The following AKR1B10 variants were observed in gnomAD, a reference collection of about 807,000 sequenced individuals.
AKR1B10 encodes the protein ARP.
In AKR1B10, 39 loss-of-function variants were observed where a neutral mutation model predicts 38.9. The ratio of observed to expected loss-of-function variants is 1.00; its 90% CI spans 0.78 to 1.31. The LOEUF (loss-of-function observed/expected upper bound fraction) is 1.31, where lower values mean the gene tolerates loss of function less well. Among genes scored for constraint, AKR1B10 ranks in the 50% most tolerant of loss-of-function variants. The pLI, the probability that AKR1B10 is intolerant of heterozygous loss-of-function variation, is 0.00. For missense variants in AKR1B10, 361 were observed against 382.6 expected, an observed-to-expected ratio of 0.94 and a Z score of 0.47; for synonymous variants, 148 against 141.2, an observed-to-expected ratio of 1.05 and a Z score of -0.34.
intron 1 of AKR1B10, 136 bp from the exon 2 acceptor site, chr7:134,530,507 A>G (rs1722886): frequency 1.2e-6 from 1 of 867,196 alleles, no homozygotes; most frequent in Non-Finnish European, 1.8e-6. Context: ...GGTTGCTGAG[A>G]GTGGTGTAAT....
Position 134,538,199 on chromosome 7 carries a change from G to C in AKR1B10, c.747G>C (p.Leu249=). The part of the protein sequence containing the change: ...AKHKKTAAQV[L]IRFHIQRNVI... The stretch of plus-strand genomic sequence containing the variant: ...GATGTCCCCTTTCCGCATAGGTTCT[G>C]ATCCGTTTCCATATCCAGAGGAATG... Residue 249 remains leucine, a synonymous_variant, in exon 8 of 10, where the codon CTG becomes CTC. Coordinates refer to ENST00000359579, the MANE Select transcript of AKR1B10 (RefSeq NM_020299.5). The C allele has an allele frequency of 1.9e-6, 3 of 1,614,080 alleles. No homozygotes were observed. Among genetic ancestry groups the C allele is most frequent in the Non-Finnish European group, 2.5e-6 (3 of 1,179,952 alleles).
intron 4 of AKR1B10, 88 bp from the exon 5 acceptor site, chr7:134,536,562 G>A: frequency 6.5e-7 from 1 of 1,536,996 alleles, no homozygotes; most frequent in Non-Finnish European, 8.7e-7. Flanking sequence ...GGATCCTTTA[G>A]CAATTTCTGC....
rs144002917 is a variant in AKR1B10, at chr7:134,530,698, G to A, written c.122G>A (p.Arg41Gln). 176 of 1,614,004 alleles carry A rather than the reference G, an allele frequency of 1.1e-4. 4 individuals are homozygous for A. In the African/African-American group the frequency reaches 1.9e-3, roughly 17 times the overall value. ...AAGGTGGCCATTGATGCAGGATATC[G>A]GCACATTGACTGTGCCTATGTCTAT... ...AVKVAIDAGY[R>Q]HIDCAYVYQN... The change falls in exon 2 of 10, where the codon CGG becomes CAG. Residue 41 changes from arginine (R) to glutamine (Q), a missense_variant. Coordinates refer to ENST00000359579, the MANE Select transcript of AKR1B10 (RefSeq NM_020299.5).
At chr7:134,530,427 C>A (rs1663528837) in intron 1 of AKR1B10, among the ~76,000 whole-genome samples, 1 of 152,144 alleles carries the variant, frequency 6.6e-6, no homozygotes, top group African/African-American at 2.4e-5. Flanking sequence ...CCCAGTGAGG[C>A]CTTGGTTTGG....
intron 1 of AKR1B10, among the ~76,000 whole-genome samples, chr7:134,529,132 T>C (rs1375748862): frequency 6.6e-6 from 1 of 152,184 alleles, no homozygotes; most frequent in Admixed American, 6.5e-5. Context: ...TCATGGCTAA[T>C]GTCCCTGCTG....
At chr7:134,531,442 C>A (rs532848192) in intron 2 of AKR1B10, among the ~76,000 whole-genome samples, 1 of 152,112 alleles carries the variant, frequency 6.6e-6, no homozygotes, top group Non-Finnish European at 1.5e-5. Flanking sequence ...TGTGTAGCAG[C>A]CAAGTCTGGA....
At chr7:134,538,822 G>T in intron 8 of AKR1B10, 113 bp from the exon 9 acceptor site, 1 of 1,238,316 alleles carries the variant, frequency 8.1e-7, no homozygotes, top group Non-Finnish European at 1.2e-6. Context: ...AAAAACTCCT[G>T]TGGCCAGTTT....
Position 134,527,720 on chromosome 7 carries a change from C to T in AKR1B10, c.-192C>T, listed in dbSNP as rs538280535. 573 of 528,290 alleles carry T rather than the reference C, an allele frequency of 1.1e-3. 7 individuals carry two copies. The Middle Eastern group carries it at 0.015, about 14-fold the overall frequency. The allele number at this position is 528,290 out of a possible 1,614,324, so 32.7% of individuals were successfully genotyped here. A position where few individuals can be genotyped will look rare whatever the true frequency, so the allele number is the denominator to read the frequency against. ...AATTAGCTGGGAGTCACGGTGGGCG[C>T]CTGTAATCCCAGCTACTCGGGAGGC... On this transcript the variant is annotated 5_prime_UTR_variant, in exon 1 of 10. Transcript: ENST00000359579.
intron 8 of AKR1B10, 106 bp downstream of exon 8, chr7:134,538,383 C>G: frequency 9.2e-7 from 1 of 1,091,664 alleles, no homozygotes; most frequent in Non-Finnish European, 1.4e-6. Flanking sequence ...TTTGCCCCCT[C>G]CCTTCCCACC....
chr7:134,527,826 A>G lies in AKR1B10; in HGVS notation c.-86A>G. ...GCACCACTGCACTCTAGCCTTGGCA[A>G]CAGTGCAAGACTGTCTCAAAAACAG... On this transcript the variant is annotated 5_prime_UTR_variant, in exon 1 of 10. Coordinates refer to ENST00000359579, the MANE Select transcript of AKR1B10 (RefSeq NM_020299.5). The G allele has an allele frequency of 6.3e-7, 1 of 1,592,046 alleles. No individual in the cohort carries two copies. The highest frequency in any genetic ancestry group is 8.6e-7 in the Non-Finnish European group (1 of 1,164,758).
chr7:134,536,803 C>G (rs570681269), intron 5 of AKR1B10, 31 bp downstream of exon 5: 54 of 1,612,820 alleles, frequency 3.3e-5, no homozygotes, highest in Admixed American at 1.5e-4. Flanking sequence ...GGGTAAGGGT[C>G]CTGCCCTATT....
At chr7:134,528,200 T>TA (rs1807744467) in intron 1 of AKR1B10, among the ~76,000 whole-genome samples, 1 of 152,166 alleles carries the variant, frequency 6.6e-6, no homozygotes, top group Non-Finnish European at 1.5e-5. Flanking sequence ...CTCTAGCAAG[T>TA]ATCAAATTTC....
intron 2 of AKR1B10, among the ~76,000 whole-genome samples, 177 bp from the exon 3 acceptor site, chr7:134,531,731 T>C (rs1325015257): frequency 6.6e-6 from 1 of 152,166 alleles, no homozygotes; most frequent in Admixed American, 6.6e-5. Context: ...TTAAGACATG[T>C]CATTGAGGTG....
At chr7:134,529,555 G>A (rs1425247388) in intron 1 of AKR1B10, among the ~76,000 whole-genome samples, 1 of 152,140 alleles carries the variant, frequency 6.6e-6, no homozygotes, top group Admixed American at 6.5e-5. Context: ...GCGGTTGGGG[G>A]CACAGGGCTG....
chr7:134,537,749 T>C, intron 7 of AKR1B10, 88 bp downstream of exon 7: 1 of 1,500,786 alleles, frequency 6.7e-7, no homozygotes, highest in Non-Finnish European at 9.2e-7. Context: ...ACAAACTCCT[T>C]AAAGGGGAAG....
chr7:134,527,729 C>T lies in AKR1B10; in HGVS notation c.-183C>T. 26 of 498,186 alleles carry T rather than the reference C, an allele frequency of 5.2e-5. No individual in the cohort carries two copies. The highest frequency in any genetic ancestry group is 6.0e-4 in the Middle Eastern group (1 of 1,672). The allele number at this position is 498,186 out of a possible 1,614,324, so 30.9% of individuals were successfully genotyped here. A position where few individuals can be genotyped will look rare whatever the true frequency, so the allele number is the denominator to read the frequency against. On this transcript the variant is annotated 5_prime_UTR_variant, in exon 1 of 10. Transcript: ENST00000359579. ...GGAGTCACGGTGGGCGCCTGTAATC[C>T]CAGCTACTCGGGAGGCTGAGGCAGG...
intron 1 of AKR1B10, among the ~76,000 whole-genome samples, chr7:134,529,499 A>G (rs1274200775): frequency 6.6e-6 from 1 of 152,184 alleles, no homozygotes; most frequent in Non-Finnish European, 1.5e-5. Flanking sequence ...ATGATAGACT[A>G]AAGGATTATG....
chr7:134,535,605 TTTTC>T, intron 4 of AKR1B10: 1 of 966,014 alleles, frequency 1.0e-6, no homozygotes, highest in Non-Finnish European at 1.2e-6. Context: ...TTTTTTTTTT[TTTTC>T]TTTTGAGGCC....
rs764919109 is a variant in AKR1B10 at position 134,536,619 on chromosome 7, G to A, written c.430-31G>A. On this transcript the variant is annotated intron_variant, in intron 4 of 9. Transcript: ENST00000359579. ...CCAGGGTCCCTGTAGTCCCTCTAGA[G>A]CTGCCCATAAGGTATTCCTTTCTAT... 6 of 1,612,228 alleles carry A rather than the reference G, an allele frequency of 3.7e-6. No individual in the cohort carries two copies. In the Admixed American group the frequency reaches 8.4e-5, roughly 22 times the overall value.
Sources: gnomAD v4.1 joint callset for allele counts (sites outside exome capture counted in the v4.1 genomes callset) on GRCh38, gnomAD v4.1.1 for gene constraint, MANE v1.5 for transcripts, NCBI Gene and HGNC (gene_info 2026-07-23, HGNC 2026-07-21) for gene names.